The following GPR4 variants were observed in gnomAD, a reference collection of about 807,000 sequenced individuals.
GPR4 encodes the protein G protein-coupled receptor 4.
A neutral mutation model predicts 17.8 loss-of-function variants in GPR4; 11 were observed. That is an observed-to-expected ratio of 0.62 (90% CI 0.39 to 1.02). GPR4 has a LOEUF of 1.02. GPR4 is among the 50% of genes least tolerant of loss of function. GPR4 has a pLI of 0.00. For missense variants in GPR4, 364 were observed against 495.4 expected, an observed-to-expected ratio of 0.73 and a Z score of 2.52; for synonymous variants, 219 against 222.8, an observed-to-expected ratio of 0.98 and a Z score of 0.15.
chr19:45,601,619 T>C (rs959913180), intron 1 of GPR4, among the ~76,000 whole-genome samples: 2 of 151,650 alleles, frequency 1.3e-5, no homozygotes, highest in South Asian at 4.2e-4. Context: ...AACAGTGTTA[T>C]AAGAGACGGA....
chr19:45,594,078 A>ATATATTT (rs1555738349), intron 1 of GPR4, among the ~76,000 whole-genome samples: 56 of 74,558 alleles, frequency 7.5e-4, no homozygotes, highest in South Asian at 3.7e-3. Context: ...ATATATATAT[A>ATATATTT]TATATATATA....
intron 1 of GPR4, among the ~76,000 whole-genome samples, chr19:45,601,134 C>G (rs1345407455): frequency 6.6e-6 from 1 of 152,050 alleles, no homozygotes; most frequent in African/African-American, 2.4e-5. Context: ...GGAGGGGGAA[C>G]TGGGGGGTGT....
intron 1 of GPR4, among the ~76,000 whole-genome samples, chr19:45,601,325 G>C (rs959964332): frequency 6.6e-6 from 1 of 152,206 alleles, no homozygotes; most frequent in East Asian, 1.9e-4. Flanking sequence ...GCAGGAAAGA[G>C]TTAATGGTGA....
At chr19:45,596,054 C>T (rs751575953) in intron 1 of GPR4, among the ~76,000 whole-genome samples, 2 of 152,164 alleles carry the variant, frequency 1.3e-5, no homozygotes, top group African/African-American at 4.8e-5. Context: ...CTCTCTCAAA[C>T]GCCTGCCACT....
intron 1 of GPR4, among the ~76,000 whole-genome samples, chr19:45,599,423 A>AC (rs1970090427): frequency 3.2e-4 from 29 of 89,356 alleles, no homozygotes; most frequent in Non-Finnish European, 5.0e-4. Context: ...TCCTGCTCCC[A>AC]CCACCCCCCC....
At chr19:45,600,916 T>G (rs1022274969) in intron 1 of GPR4, among the ~76,000 whole-genome samples, 2 of 152,200 alleles carry the variant, frequency 1.3e-5, no homozygotes, top group Non-Finnish European at 2.9e-5. Context: ...CATTCAAAGA[T>G]GTTCACATTC....
Position 45,590,572 on chromosome 19 carries a change from G to C in GPR4, c.*206C>G, listed in dbSNP as rs1016436707. On this transcript the variant is annotated 3_prime_UTR_variant, in exon 2 of 2. Coordinates refer to ENST00000323040, the MANE Select transcript of GPR4 (RefSeq NM_005282.3). ...ATATATTTACTCATCTCCTCCTTCAGGAGGCCCTCCACAATCGCCAAACTG... is the reference window on the plus strand; with the variant it reads ...ATATATTTACTCATCTCCTCCTTCACGAGGCCCTCCACAATCGCCAAACTG... The C allele has an allele frequency of 7.3e-6, 4 of 547,518 alleles. No individual in the cohort carries two copies. The African/African-American group carries it at 7.7e-5, about 10-fold the overall frequency. 33.9% of individuals were successfully genotyped at this position (547,518 alleles called of 1,614,324 possible).
At position 45,590,728 on chromosome 19, in the gene GPR4, G is replaced by A. The variant is rs1268980349; in HGVS notation, c.*50C>T. On this transcript the variant is annotated 3_prime_UTR_variant, in exon 2 of 2. Coordinates refer to ENST00000323040, the MANE Select transcript of GPR4 (RefSeq NM_005282.3). ...TTGCATACACCAGACCAGGAGAGAA[G>A]GGACTGTGGGATGAGAGGGGAAAAC... is the stretch of plus-strand genomic sequence containing the variant. The A allele has an allele frequency of 6.6e-7, 1 of 1,524,740 alleles. No individual in the cohort carries two copies. Among genetic ancestry groups the A allele is most frequent in the South Asian group, 1.3e-5 (1 of 76,566 alleles). 94.5% of individuals were successfully genotyped at this position (1,524,740 alleles called of 1,614,324 possible). A position where few individuals can be genotyped will look rare whatever the true frequency, so the allele number is the denominator to read the frequency against.
At position 45,590,359 on chromosome 19, in the gene GPR4, G is replaced by A. The variant is rs190713237; in HGVS notation, c.*419C>T. 1.8e-5 allele frequency: 3 copies of A among 162,232 alleles called. No individual in the cohort carries two copies. The Admixed American group carries it at 1.9e-4, about 10-fold the overall frequency. The allele number at this position is 162,232 out of a possible 1,614,324, so 10.0% of individuals were successfully genotyped here. On this transcript the variant is annotated 3_prime_UTR_variant, in exon 2 of 2. Transcript: ENST00000323040. ...TCAAGATCAGCCTGGGAAACATAGT[G>A]AGACTCCATTTCTACAAAAAGTACA...
At chr19:45,601,276 G>A (rs1024172034) in intron 1 of GPR4, among the ~76,000 whole-genome samples, 3 of 152,188 alleles carry the variant, frequency 2.0e-5, no homozygotes, top group Admixed American at 6.5e-5. Context: ...AGTTTGGGAG[G>A]AGGGGTTGTC....
intron 1 of GPR4, among the ~76,000 whole-genome samples, chr19:45,595,302 A>AATAAATAT (rs1970046108): frequency 7.1e-6 from 1 of 140,866 alleles, no homozygotes; most frequent in Non-Finnish European, 1.6e-5. Flanking sequence ...TAAATAAATA[A>AATAAATAT]ATAAATAAAT....
rs1568415981 is a variant in GPR4 at position 45,591,058 on chromosome 19, C to CT, written c.808dup (p.Ser270LysfsTer128). 1 of 1,613,960 alleles carries CT rather than the reference C, an allele frequency of 6.2e-7. No individual in the cohort carries two copies. Among genetic ancestry groups the CT allele is most frequent in the Admixed American group, 1.7e-5 (1 of 60,036 alleles). ...GTTGAGGCTGGTGAAAGCCAGTGAG[C>CT]TGTGGTATGCAGAAAAGACGCGCTC... On this transcript the variant is annotated frameshift_variant, in exon 2 of 2. Coordinates refer to ENST00000323040, the MANE Select transcript of GPR4 (RefSeq NM_005282.3). LOFTEE classifies it high-confidence loss of function. This position sits in a 1 kb window ranked among gnomAD's most constrained non-coding sequence, Gnocchi z 7.6.
rs1249279251 is a variant in GPR4 at position 45,591,544 on chromosome 19, A to C, written c.323T>G (p.Leu108Arg). The change falls in exon 2 of 2, where the codon CTG becomes CGG. Residue 108 changes from leucine to arginine, a missense_variant. Physicochemically the swap from Leu to Arg is moderately radical, Grantham distance 102. Around this residue, in one of 3 missense-constraint regions of GPR4, gnomAD observed 271 missense variants for 373.1 expected, o/e 0.73. Coordinates refer to ENST00000323040, the MANE Select transcript of GPR4 (RefSeq NM_005282.3). This position sits in a 1 kb window ranked among gnomAD's most constrained non-coding sequence, Gnocchi z 7.6. ...YTNIYISIAF[L>R]CCISVDRYLA... is the part of the protein sequence containing the mutation. ...GTAGCGGTCCACCGAGATGCAGCAC[A>C]GGAAGGCGATGCTGATGTAGATATT... 6.2e-7 allele frequency: 1 copy of C among 1,613,936 alleles called. No homozygotes were observed.
At chr19:45,599,432 C>G (rs191447490) in intron 1 of GPR4, among the ~76,000 whole-genome samples, 14 of 152,018 alleles carry the variant, frequency 9.2e-5, no homozygotes, top group East Asian at 3.9e-4. Context: ...CACCACCCCC[C>G]CCTCCCCGCC....
rs1969987763 is a variant in GPR4 at position 45,591,105 on chromosome 19, G to A, written c.762C>T (p.Arg254=). The A allele has an allele frequency of 5.6e-6, 9 of 1,613,880 alleles. No individual in the cohort carries two copies. Among genetic ancestry groups the A allele is most frequent in the Non-Finnish European group, 6.8e-6 (8 of 1,180,012 alleles). Residue 254 remains arginine, a synonymous_variant, in exon 2 of 2, where the codon CGC becomes CGT. Transcript: ENST00000323040. This position sits in a 1 kb window ranked among gnomAD's most constrained non-coding sequence, Gnocchi z 7.6. ...GCTCCTCGAAGCCGCAGTCCCAGGG[G>A]CGGCCCAGGTAGATGGCGCTGCGGG... is the stretch of plus-strand genomic sequence containing the variant. The part of the protein sequence containing the change: ...LLSRSAIYLG[R]PWDCGFEERV...
chr19:45,597,796 G>T (rs1970072590), intron 1 of GPR4, among the ~76,000 whole-genome samples: 1 of 152,112 alleles, frequency 6.6e-6, no homozygotes, highest in Non-Finnish European at 1.5e-5. Context: ...GGAAGAGGTG[G>T]TCAGGGGAGA....
At chr19:45,593,007 T>A (rs920273784) in intron 1 of GPR4, among the ~76,000 whole-genome samples, 1 of 151,196 alleles carries the variant, frequency 6.6e-6, no homozygotes. Flanking sequence ...GCCTGGGCAA[T>A]GCAGTGAGAC....
chr19:45,602,160 T>C lies in GPR4; in HGVS notation c.-897A>G, dbSNP rs1285172938. The C allele has an allele frequency of 6.6e-6, 1 of 152,088 alleles. No homozygotes were observed. The highest frequency in any genetic ancestry group is 2.4e-5 in the African/African-American group (1 of 41,426). 9.4% of individuals were successfully genotyped at this position (152,088 alleles called of 1,614,324 possible). On this transcript the variant is annotated 5_prime_UTR_variant, in exon 1 of 2. Coordinates refer to ENST00000323040, the MANE Select transcript of GPR4 (RefSeq NM_005282.3). ...CTCCGCTGCGTCCAGGTCCCCGGTC[T>C]TGACAACGGCGCGGGGACCCAGCGG... is the stretch of plus-strand genomic sequence containing the variant.
Position 45,591,311 on chromosome 19 carries a change from C to T in GPR4, c.556G>A (p.Val186Met). Reference sequence around the variant, plus strand: ...CACGGGAAGAGGAAGCCCACGAACACCCGATAGAGGTTCATCCAGGCCACC... The same window carrying T: ...CACGGGAAGAGGAAGCCCACGAACATCCGATAGAGGTTCATCCAGGCCACC... Reference protein sequence around the residue: ...GWVAWMNLYRVFVGFLFPWAL... With the variant: ...GWVAWMNLYRMFVGFLFPWAL... Residue 186 changes from valine to methionine, a missense_variant, in exon 2 of 2, where the codon GTG becomes ATG. Around this residue, in one of 3 missense-constraint regions of GPR4, gnomAD observed 271 missense variants for 373.1 expected, o/e 0.73. Transcript: ENST00000323040. This position sits in a 1 kb window ranked among gnomAD's most constrained non-coding sequence, Gnocchi z 7.6. 6.2e-7 allele frequency: 1 copy of T among 1,612,866 alleles called. No individual in the cohort carries two copies.
Sources: gnomAD v4.1 joint callset for allele counts (sites outside exome capture counted in the v4.1 genomes callset) on GRCh38, gnomAD v4.1.1 for gene constraint, gnomAD v4.1.1 regional missense constraint, Gnocchi (gnomAD v3.1) non-coding constraint, MANE v1.5 for transcripts, NCBI Gene and HGNC (gene_info 2026-07-23, HGNC 2026-07-21) for gene names.